Variants in MCPH1 observed in about 807,000 individuals in gnomAD.
MCPH1 encodes microcephalin 1, also known as microcephalin.
MCPH1 carries 104 observed loss-of-function variants against 84.5 expected under a neutral mutation model. The observed-to-expected ratio is 1.23, with a 90% confidence interval of 1.05 to 1.45. The LOEUF (loss-of-function observed/expected upper bound fraction) is 1.45, where lower values mean the gene tolerates loss of function less well. MCPH1 is among the 40% of genes most tolerant of loss of function. MCPH1 has a pLI of 0.00. For synonymous variants in MCPH1, 514 were observed against 366.8 expected (o/e 1.40, Z -4.58); for missense variants, 1,498 against 1,005.7 (o/e 1.49, Z -6.62).
chr8:6,442,931 G>C (rs1467421340), intron 7 of MCPH1, among the ~76,000 whole-genome samples: 1 of 152,182 alleles, frequency 6.6e-6, no homozygotes, highest in Non-Finnish European at 1.5e-5. Context: ...TCACCTCTGT[G>C]TGCTGGAATT....
At chr8:6,423,511 A>G (rs1800579682) in intron 3 of MCPH1, among the ~76,000 whole-genome samples, 1 of 152,154 alleles carries the variant, frequency 6.6e-6, no homozygotes, top group Non-Finnish European at 1.5e-5. Context: ...TTTTGCCTGT[A>G]CATGCAGATG....
At chr8:6,580,127 G>A (rs1586699728) in intron 12 of MCPH1, among the ~76,000 whole-genome samples, 1 of 152,184 alleles carries the variant, frequency 6.6e-6, no homozygotes, top group East Asian at 1.9e-4. Context: ...ATCGGTAGAC[G>A]CTATGGTGGG....
At chr8:6,638,668 G>A (rs147242949) in intron 13 of MCPH1, among the ~76,000 whole-genome samples, 16 of 151,924 alleles carry the variant, frequency 1.1e-4, no homozygotes, top group South Asian at 4.2e-4. Flanking sequence ...TGTCTCCACC[G>A]GCCAGGACTG....
intron 8 of MCPH1, chr8:6,447,390 G>A (rs1397889273): frequency 2.0e-6 from 2 of 985,244 alleles, no homozygotes; most frequent in African/African-American, 1.7e-5. Flanking sequence ...TCGAAATAAA[G>A]GGCTTTTTGC....
intron 8 of MCPH1, among the ~76,000 whole-genome samples, chr8:6,453,265 T>C (rs748115306): frequency 1.3e-5 from 2 of 152,254 alleles, no homozygotes; most frequent in Non-Finnish European, 2.9e-5. Context: ...GGTTTACCGA[T>C]GTCAATGTTA....
chr8:6,431,156 G>A (rs968504437), intron 3 of MCPH1, among the ~76,000 whole-genome samples: 2 of 152,074 alleles, frequency 1.3e-5, no homozygotes, highest in African/African-American at 4.8e-5. Context: ...TTTATGGCCT[G>A]TTTACTATTA....
chr8:6,572,524 A>G (rs1273736182), intron 12 of MCPH1, among the ~76,000 whole-genome samples: 1 of 152,228 alleles, frequency 6.6e-6, no homozygotes, highest in Non-Finnish European at 1.5e-5. Context: ...TACAAGCTAC[A>G]ATGCTTTCAT....
chr8:6,632,154 T>C (rs187807884), intron 13 of MCPH1, among the ~76,000 whole-genome samples: 6 of 152,268 alleles, frequency 3.9e-5, no homozygotes, highest in Admixed American at 1.3e-4. Context: ...AGACAAACTA[T>C]AGTTGAATTA....
At chr8:6,413,493 T>A (rs898751090) in intron 2 of MCPH1, among the ~76,000 whole-genome samples, 1 of 151,712 alleles carries the variant, frequency 6.6e-6, no homozygotes, top group African/African-American at 2.4e-5. Context: ...TTTTCTCCAT[T>A]TTGTGTATTC....
At chr8:6,574,354 C>T (rs942538724) in intron 12 of MCPH1, among the ~76,000 whole-genome samples, 10 of 151,990 alleles carry the variant, frequency 6.6e-5, no homozygotes, top group Admixed American at 2.0e-4. Flanking sequence ...CCTGTCTACA[C>T]GGCCGTCTTT....
chr8:6,536,782 G>C (rs919729201), intron 12 of MCPH1, among the ~76,000 whole-genome samples: 8 of 152,088 alleles, frequency 5.3e-5, no homozygotes, highest in African/African-American at 1.9e-4. Flanking sequence ...CATCCACTTG[G>C]ATAGACAGAC....
At chr8:6,625,226 C>G (rs1831943569) in intron 13 of MCPH1, 1 of 985,466 alleles carries the variant, frequency 1.0e-6, no homozygotes, top group Non-Finnish European at 1.2e-6. Flanking sequence ...AAAACAGAGT[C>G]ATAGCCTCCA....
intron 8 of MCPH1, chr8:6,446,838 C>G (rs565414626): frequency 2.0e-6 from 2 of 985,324 alleles, no homozygotes; most frequent in African/African-American, 3.5e-5. Context: ...TGGGAGTGTG[C>G]TAGTCCTCGG....
intron 12 of MCPH1, among the ~76,000 whole-genome samples, chr8:6,585,895 G>T (rs537806519): frequency 1.1e-4 from 16 of 152,150 alleles, no homozygotes; most frequent in Admixed American, 9.2e-4. Flanking sequence ...GCACCTCCTT[G>T]TGTTAACCCA....
intron 12 of MCPH1, among the ~76,000 whole-genome samples, chr8:6,531,349 C>T (rs1819478816): frequency 1.3e-5 from 2 of 150,706 alleles, no homozygotes; most frequent in South Asian, 2.1e-4. Context: ...AGTGCAGTGG[C>T]ACGATCTCAA....
intron 12 of MCPH1, among the ~76,000 whole-genome samples, chr8:6,588,646 C>T (rs185574744): frequency 2.0e-4 from 31 of 152,264 alleles, no homozygotes; most frequent in East Asian, 1.2e-3. Context: ...GCCACATCTC[C>T]GGGCTTCACC....
rs1310567629 is a variant in MCPH1, at chr8:6,414,724, G to T, written c.115-41G>T. The T allele has an allele frequency of 1.9e-6, 3 of 1,606,430 alleles. No homozygotes were observed. The Admixed American group carries it at 5.0e-5, about 27-fold the overall frequency. ...GATCAGTTGTAGTTAAGTTGTGAAT[G>T]AACAGTAATGTACATTTTGTTTTCT... On this transcript the variant is annotated intron_variant, in intron 2 of 13. Transcript: ENST00000344683.
chr8:6,498,678 C>T (rs184876387), intron 11 of MCPH1, among the ~76,000 whole-genome samples: 1 of 152,212 alleles, frequency 6.6e-6, no homozygotes. Context: ...GTATTTCTCA[C>T]TGTACTATTC....
chr8:6,421,690 G>T (rs1209587495), intron 3 of MCPH1, among the ~76,000 whole-genome samples: 1 of 152,332 alleles, frequency 6.6e-6, no homozygotes, highest in African/African-American at 2.4e-5. Flanking sequence ...TACAGCTGTA[G>T]ATTTGGATCC....
Sources: allele counts gnomAD v4.1 joint callset (sites outside exome capture counted in the v4.1 genomes callset), GRCh38; gene constraint gnomAD v4.1.1; transcripts MANE v1.5; gene names NCBI Gene and HGNC (gene_info 2026-07-23, HGNC 2026-07-21).